MOB3A: variants seen among roughly 807,000 people sequenced by gnomAD.
The protein encoded by MOB3A is MOB LAK.
A neutral mutation model predicts 17.8 loss-of-function variants in MOB3A; 17 were observed. The observed-to-expected ratio is 0.95, with a 90% CI of 0.65 to 1.43. The LOEUF (loss-of-function observed/expected upper bound fraction) is 1.43. Ranked by LOEUF, MOB3A falls within the 40% of genes most tolerant of loss-of-function variation. The probability of loss-of-function intolerance (pLI) is 0.00; values close to 1 mark genes in which losing one functional copy is unlikely to be tolerated. For synonymous variants in MOB3A, 124 were observed against 133.2 expected (o/e 0.93, Z 0.48); for missense variants, 333 against 310.8 (o/e 1.07, Z -0.54).
At position 2,076,891 on chromosome 19, in the gene MOB3A, G is replaced by A; in HGVS notation, c.544C>T (p.His182Tyr). The A allele has an allele frequency of 6.2e-7, 1 of 1,614,086 alleles. No individual in the cohort carries two copies. Among genetic ancestry groups the A allele is most frequent in the South Asian group, 1.1e-5 (1 of 91,086 alleles). ...DRIAQMGSEAHVNTCYKHFYY... is the reference protein window; with the variant it reads ...DRIAQMGSEAYVNTCYKHFYY... ...AAGTGCTTGTAGCAGGTGTTCACGT[G>A]GGCCTCGGAGCCCATCTGCGCGATG... The change falls in exon 4 of 5, where the codon CAC becomes TAC. Residue 182 changes from histidine to tyrosine, a missense_variant. Coordinates refer to ENST00000357066, the MANE Select transcript of MOB3A (RefSeq NM_130807.3).
intron 3 of MOB3A, 23 bp from the exon 4 acceptor site, chr19:2,077,036 G>C: frequency 6.2e-7 from 1 of 1,602,462 alleles, no homozygotes; most frequent in Non-Finnish European, 8.5e-7. Context: ...GGGTGGGACG[G>C]GTCCACGGAC....
At chr19:2,095,991 G>A (rs1458382074) in intron 1 of MOB3A, among the ~76,000 whole-genome samples, 10 of 152,026 alleles carry the variant, frequency 6.6e-5, no homozygotes, top group Admixed American at 1.3e-4. Context: ...TGATCCACCC[G>A]CGTCGGCCTC....
At chr19:2,094,510 A>G (rs2017648362) in intron 1 of MOB3A, among the ~76,000 whole-genome samples, 2 of 152,208 alleles carry the variant, frequency 1.3e-5, no homozygotes, top group South Asian at 4.1e-4. Context: ...AGATCATCCC[A>G]CACACGCAGG....
chr19:2,078,011 C>T lies in MOB3A; in HGVS notation c.421+129G>A, dbSNP rs567751573. ...TGTTGCCCAGGCTGAGCTCAAACTC[C>T]TGGGCTCAAGCGATCCCTGGGCTCG... On this transcript the variant is annotated intron_variant, in intron 3 of 4. Coordinates refer to ENST00000357066, the MANE Select transcript of MOB3A (RefSeq NM_130807.3). 253 of 1,000,642 alleles carry T rather than the reference C, an allele frequency of 2.5e-4. No homozygotes were observed. The African/African-American group carries it at 3.3e-3, about 13-fold the overall frequency. The allele number at this position is 1,000,642 out of a possible 1,614,324, so 62.0% of individuals were successfully genotyped here.
rs375009334 is a variant in MOB3A, at chr19:2,073,449, G to A, written c.625-25C>T. ...TCTGTAAAGAGCAAGCAAGACATCA[G>A]CTCCCACCAGCCACTCCTAAAAGGG... On this transcript the variant is annotated intron_variant, in intron 4 of 4. Coordinates refer to ENST00000357066, the MANE Select transcript of MOB3A (RefSeq NM_130807.3). 17 of 1,613,630 alleles carry A rather than the reference G, an allele frequency of 1.1e-5. No individual in the cohort carries two copies. In the African/African-American group the frequency reaches 2.3e-4, roughly 22 times the overall value.
intron 2 of MOB3A, among the ~76,000 whole-genome samples, chr19:2,081,111 C>T (rs1367667214): frequency 6.6e-6 from 1 of 151,850 alleles, no homozygotes; most frequent in African/African-American, 2.4e-5. Flanking sequence ...CAGAGTAAGA[C>T]CCTGTCTCAA....
At chr19:2,086,020 GTATT>G (rs888653134) in intron 1 of MOB3A, among the ~76,000 whole-genome samples, 5 of 149,272 alleles carry the variant, frequency 3.3e-5, no homozygotes, top group African/African-American at 4.9e-5. Context: ...CAAAATCTGA[GTATT>G]TATTTATTTT....
chr19:2,087,287 C>T (rs1488160789), intron 1 of MOB3A, among the ~76,000 whole-genome samples: 3 of 152,246 alleles, frequency 2.0e-5, no homozygotes, highest in East Asian at 3.8e-4. Context: ...AGTACAGTTA[C>T]GTGACTCCTG....
At chr19:2,077,188 G>T (rs2017422931) in intron 3 of MOB3A, among the ~76,000 whole-genome samples, 175 bp from the exon 4 acceptor site, 1 of 152,104 alleles carries the variant, frequency 6.6e-6, no homozygotes, top group Non-Finnish European at 1.5e-5. Context: ...ATCACTTGAG[G>T]TCTGGAGTTC....
intron 2 of MOB3A, chr19:2,084,253 G>A: frequency 2.2e-6 from 1 of 446,102 alleles, no homozygotes; most frequent in South Asian, 1.6e-5. Flanking sequence ...TGCACTTTGG[G>A]AGGCCGAGGT....
Position 2,078,368 on chromosome 19 carries a change from C to A in MOB3A, c.193G>T (p.Val65Leu). 1 of 1,614,216 alleles carries A rather than the reference C, an allele frequency of 6.2e-7. No individual in the cohort carries two copies. Among genetic ancestry groups the A allele is most frequent in the Non-Finnish European group, 8.5e-7 (1 of 1,180,036 alleles). ...EDLNDWVAVH[V>L]VDFFNRVNLI... ...TTGACGCGGTTAAAGAAGTCCACCA[C>A]GTGAACAGCCACCCAGTCGTTCAGG... Residue 65 changes from valine to leucine, a missense_variant, in exon 3 of 5, where the codon GTG becomes TTG. Val to Leu is a conservative substitution (Grantham distance 32). Coordinates refer to ENST00000357066, the MANE Select transcript of MOB3A (RefSeq NM_130807.3).
chr19:2,088,115 C>T (rs757646606), intron 1 of MOB3A, among the ~76,000 whole-genome samples: 1 of 152,126 alleles, frequency 6.6e-6, no homozygotes, highest in Admixed American at 6.6e-5. Context: ...TGTCTGGGGG[C>T]ATTTGTGGTT....
Position 2,078,577 on chromosome 19 carries a change from C to T in MOB3A, c.-17G>A, listed in dbSNP as rs771646125. 1.9e-6 allele frequency: 3 copies of T among 1,549,864 alleles called. No individual in the cohort carries two copies. In the South Asian group the frequency reaches 3.7e-5, roughly 19 times the overall value. ...GTTGGACATCTTGGTGACGCCTGCT[C>T]TCCTGGACTTCTGTAGAGGGGTCCT... On this transcript the variant is annotated 5_prime_UTR_variant, in exon 3 of 5. Transcript: ENST00000357066.
intron 2 of MOB3A, among the ~76,000 whole-genome samples, chr19:2,083,101 C>T (rs1250947701): frequency 1.3e-5 from 2 of 152,252 alleles, no homozygotes; most frequent in African/African-American, 4.8e-5. Flanking sequence ...TCCGCCTTAG[C>T]CTCTCAAGGG....
rs2017498018 is a variant in MOB3A, at chr19:2,082,208, C to T, written c.-120+2967G>A. ...GGACAAAAACCCTGTCTCCACTTTA[C>T]AGATGAGAAAACCAGGGCCCAGAAA... On this transcript the variant is annotated intron_variant, in intron 2 of 4. Transcript: ENST00000357066. This position sits in a 1 kb window ranked among gnomAD's most constrained non-coding sequence, Gnocchi z 4.1. 6.6e-6 allele frequency among the ~76,000 whole-genome samples: 1 copy of T among 152,256 alleles called. No homozygotes were observed. The highest frequency in any genetic ancestry group is 2.4e-5 in the African/African-American group (1 of 41,472).
rs71337081 is a variant in MOB3A at position 2,077,845 on chromosome 19, A to C, written c.421+295T>G. 1.3e-3 allele frequency among the ~76,000 whole-genome samples: 204 copies of C among 151,182 alleles called. 1 individual carries two copies. The highest frequency in any genetic ancestry group is 2.5e-3 in the Non-Finnish European group (171 of 67,806). On this transcript the variant is annotated intron_variant, in intron 3 of 4. Transcript: ENST00000357066. Reference sequence around the variant, plus strand: ...GTCACCCAGGCTGGAGTACAGTGGCACGATCATAGTTTACTGCAGCCTCAA... The same window carrying C: ...GTCACCCAGGCTGGAGTACAGTGGCCCGATCATAGTTTACTGCAGCCTCAA...
At position 2,082,611 on chromosome 19, in the gene MOB3A, T is replaced by C. The variant is rs1047685970; in HGVS notation, c.-120+2564A>G. Among the ~76,000 whole-genome samples the C allele has an allele frequency of 2.6e-5, 4 of 151,986 alleles. No homozygotes were observed. The highest frequency in any genetic ancestry group is 7.3e-5 in the African/African-American group (3 of 41,358). ...CTTTCTGCCCCACAACTCCCTAAAT[T>C]CAGCAACTCTCAGGGATGCAGGCAG... is the stretch of plus-strand genomic sequence containing the variant. On this transcript the variant is annotated intron_variant, in intron 2 of 4. Transcript: ENST00000357066. This position sits in a 1 kb window ranked among gnomAD's most constrained non-coding sequence, Gnocchi z 4.1.
intron 1 of MOB3A, among the ~76,000 whole-genome samples, chr19:2,090,569 C>T (rs555884588): frequency 3.9e-5 from 6 of 152,310 alleles, no homozygotes; most frequent in Non-Finnish European, 7.4e-5. Context: ...GGGGGAGACC[C>T]TGGCCCCAGC....
rs944824535 is a variant in MOB3A at position 2,093,974 on chromosome 19, G to GCTGCAACT, written c.-274+2244_-274+2251dup. On this transcript the variant is annotated intron_variant, in intron 1 of 4. Transcript: ENST00000357066. The surrounding 1 kb of genome is among the most constrained non-coding windows in gnomAD (Gnocchi z 4.6). Reference sequence around the variant, plus strand: ...AACCCGGCTTCTGGAAGTTCTCAGGGCTGCAACTCTGCAACTCTGACAGCC... The same window carrying GCTGCAACT: ...AACCCGGCTTCTGGAAGTTCTCAGGGCTGCAACTCTGCAACTCTGCAACTCTGACAGCC... 3.3e-5 allele frequency among the ~76,000 whole-genome samples: 5 copies of GCTGCAACT among 151,912 alleles called. No homozygotes were observed. The highest frequency in any genetic ancestry group is 4.2e-4 in the South Asian group (2 of 4,818).
Sources: allele counts gnomAD v4.1 joint callset (sites outside exome capture counted in the v4.1 genomes callset), GRCh38; gene constraint gnomAD v4.1.1; non-coding constraint Gnocchi (gnomAD v3.1); transcripts MANE v1.5; gene names NCBI Gene and HGNC (gene_info 2026-07-23, HGNC 2026-07-21).